Variants in IQCJ observed in about 807,000 individuals in gnomAD.
The protein encoded by IQCJ is IQ motif containing J, also known as IQ domain-containing protein J.
In IQCJ, 9 loss-of-function variants were observed where a neutral mutation model predicts 11.0. That is an observed-to-expected ratio of 0.82 (90% CI 0.49 to 1.43). The LOEUF (loss-of-function observed/expected upper bound fraction) is 1.43. IQCJ is among the 40% of genes most tolerant of loss of function. The pLI is 0.00. For missense variants in IQCJ, 146 were observed against 133.2 expected, an observed-to-expected ratio of 1.10 and a Z score of -0.47; for synonymous variants, 55 against 51.3, an observed-to-expected ratio of 1.07 and a Z score of -0.31.
intron 1 of IQCJ, among the ~76,000 whole-genome samples, chr3:159,237,061 A>G (rs1726637499): frequency 1.3e-5 from 2 of 152,238 alleles, no homozygotes; most frequent in South Asian, 4.1e-4. Flanking sequence ...AGTAAATTGC[A>G]GATTGTTTTC....
chr3:159,251,266 CT>C (rs1335006303), intron 2 of IQCJ, among the ~76,000 whole-genome samples: 1 of 151,876 alleles, frequency 6.6e-6, no homozygotes, highest in South Asian at 2.1e-4. Flanking sequence ...CAATTTTTTT[CT>C]TTTTTTCCCT....
intron 1 of IQCJ, among the ~76,000 whole-genome samples, chr3:159,211,805 G>T (rs1211166984): frequency 1.3e-5 from 2 of 151,996 alleles, no homozygotes; most frequent in Admixed American, 6.6e-5. Context: ...GAATGCTAGA[G>T]TGACGATATA....
In IQCJ at chr3:159,170,665, C is replaced by T. The variant is rs577694330; in HGVS notation, c.10-75178C>T. On this transcript the variant is annotated intron_variant, in intron 1 of 3. Transcript: ENST00000397832. The stretch of plus-strand genomic sequence containing the variant: ...ACCCTTTTTTTTTTTTTCTTGTTTT[C>T]GCTTGGCTTTGTGATGGTCAGAGTC... Among the ~76,000 whole-genome samples the T allele has an allele frequency of 3.8e-3, 556 of 145,818 alleles. 2 individuals are homozygous for T. The highest frequency in any genetic ancestry group is 0.01 in the Middle Eastern group (3 of 288).
At chr3:159,138,411 G>T (rs12632564) in intron 1 of IQCJ, among the ~76,000 whole-genome samples, 37,477 of 152,044 alleles carry the variant, frequency 0.25, 5,685 homozygotes, top group South Asian at 0.4. Context: ...ATAAAATTTT[G>T]AGAGACTATG....
chr3:159,202,699 T>C (rs570087866), intron 1 of IQCJ, among the ~76,000 whole-genome samples: 16 of 152,318 alleles, frequency 1.1e-4, no homozygotes. Context: ...GGTCTTGTTA[T>C]GTTGCCCAGG....
At chr3:159,070,654 AT>A (rs775618340) in intron 1 of IQCJ, among the ~76,000 whole-genome samples, 3 of 152,220 alleles carry the variant, frequency 2.0e-5, no homozygotes, top group Non-Finnish European at 2.9e-5. Context: ...ATATTAACTA[AT>A]TTTTGTAAAG....
At chr3:159,257,365 A>C (rs1039474115) in intron 3 of IQCJ, among the ~76,000 whole-genome samples, 11 of 152,198 alleles carry the variant, frequency 7.2e-5, no homozygotes, top group South Asian at 2.1e-4. Flanking sequence ...CCTCATAAAG[A>C]AAAGAGTGTT....
chr3:159,113,295 T>A (rs1718747527), intron 1 of IQCJ, among the ~76,000 whole-genome samples: 1 of 152,218 alleles, frequency 6.6e-6, no homozygotes, highest in Admixed American at 6.5e-5. Context: ...TTAAGTGAGA[T>A]AATTAAAAGA....
intron 1 of IQCJ, among the ~76,000 whole-genome samples, chr3:159,244,269 A>G (rs1221600759): frequency 6.6e-6 from 1 of 152,202 alleles, no homozygotes; most frequent in Non-Finnish European, 1.5e-5. Flanking sequence ...GAGTTAGGAT[A>G]GATAGAGAAG....
intron 1 of IQCJ, among the ~76,000 whole-genome samples, chr3:159,220,181 G>T (rs898172103): frequency 6.6e-6 from 1 of 152,070 alleles, no homozygotes; most frequent in African/African-American, 2.4e-5. Context: ...ATGGGAAAAG[G>T]GTTATGGGGA....
At chr3:159,078,033 A>C (rs771907451) in intron 1 of IQCJ, among the ~76,000 whole-genome samples, 4 of 120,604 alleles carry the variant, frequency 3.3e-5, no homozygotes, top group Non-Finnish European at 6.1e-5. Context: ...AAAATGACTA[A>C]GGAAATACCT....
In IQCJ at chr3:159,092,749, G is replaced by C. The variant is rs970711697; in HGVS notation, c.9+23308G>C. Reference sequence around the variant, plus strand: ...ACACACACCATTTAGAAACAACGGGGGGAATGTCAATGTAAACTGTTATAA... The same window carrying C: ...ACACACACCATTTAGAAACAACGGGCGGAATGTCAATGTAAACTGTTATAA... On this transcript the variant is annotated intron_variant, in intron 1 of 3. Transcript: ENST00000397832. 3.1e-5 allele frequency among the ~76,000 whole-genome samples: 4 copies of C among 128,052 alleles called. 1 individual carries two copies. The South Asian group carries it at 1.0e-3, about 33-fold the overall frequency. The allele number at this position is 128,052 out of a possible 152,430, so 84.0% of individuals were successfully genotyped here.
At chr3:159,174,070 T>G (rs1722642541) in intron 1 of IQCJ, among the ~76,000 whole-genome samples, 1 of 152,190 alleles carries the variant, frequency 6.6e-6, no homozygotes, top group Non-Finnish European at 1.5e-5. Flanking sequence ...AACATTTATG[T>G]TCAATCAACT....
intron 1 of IQCJ, among the ~76,000 whole-genome samples, chr3:159,082,334 A>G (rs1716371049): frequency 6.6e-6 from 1 of 151,350 alleles, no homozygotes. Flanking sequence ...TTTAGTTCCC[A>G]AACAACTCTA....
At chr3:159,140,287 T>G (rs1354042234) in intron 1 of IQCJ, among the ~76,000 whole-genome samples, 1 of 152,190 alleles carries the variant, frequency 6.6e-6, no homozygotes, top group African/African-American at 2.4e-5. Flanking sequence ...AATTTTTAAA[T>G]AGCAATGATA....
chr3:159,170,833 C>A, intron 1 of IQCJ, among the ~76,000 whole-genome samples: 1 of 152,174 alleles, frequency 6.6e-6, no homozygotes, highest in East Asian at 1.9e-4. Flanking sequence ...TCTCATAGCC[C>A]AAGTTAAAAA....
At chr3:159,153,102 C>A (rs1309924446) in intron 1 of IQCJ, among the ~76,000 whole-genome samples, 2 of 152,094 alleles carry the variant, frequency 1.3e-5, no homozygotes, top group Non-Finnish European at 2.9e-5. Flanking sequence ...CAGTTTAAAT[C>A]TGGAAACATT....
At chr3:159,124,768 C>T (rs1328720908) in intron 1 of IQCJ, among the ~76,000 whole-genome samples, 1 of 152,122 alleles carries the variant, frequency 6.6e-6, no homozygotes, top group Admixed American at 6.5e-5. Flanking sequence ...ATGCTCAAAA[C>T]ATGTTTGTTG....
intron 1 of IQCJ, among the ~76,000 whole-genome samples, chr3:159,244,643 T>A (rs1280118414): frequency 2.0e-5 from 3 of 152,158 alleles, no homozygotes; most frequent in African/African-American, 7.2e-5. Context: ...AGGATTTTGC[T>A]GATGACAGAC....
Sources: allele counts gnomAD v4.1 joint callset (sites outside exome capture counted in the v4.1 genomes callset), GRCh38; gene constraint gnomAD v4.1.1; transcripts MANE v1.5; gene names NCBI Gene and HGNC (gene_info 2026-07-23, HGNC 2026-07-21).